CDC123: variants seen among roughly 807,000 people sequenced by gnomAD.
CDC123 encodes the protein translation initiation factor eIF2 assembly protein.
A neutral mutation model predicts 54.4 loss-of-function variants in CDC123; 37 were observed. The ratio of observed to expected loss-of-function variants is 0.68; its 90% CI spans 0.52 to 0.89. The LOEUF (loss-of-function observed/expected upper bound fraction) is 0.89, where lower values mean the gene tolerates loss of function less well. Ranked by LOEUF, CDC123 falls within the 40% of genes least tolerant of loss-of-function variation. The pLI, the probability that CDC123 is intolerant of heterozygous loss-of-function variation, is 0.00. For missense variants in CDC123, 361 were observed against 412.1 expected (o/e 0.88, Z 1.07); for synonymous variants, 144 against 136.8 (o/e 1.05, Z -0.37).
chr10:12,230,219 G>A (rs1369685649), intron 6 of CDC123, among the ~76,000 whole-genome samples: 1 of 151,222 alleles, frequency 6.6e-6, no homozygotes, highest in Non-Finnish European at 1.5e-5. Flanking sequence ...TTGAGATGGA[G>A]TCTCGCTCTG....
chr10:12,249,788 T>C lies in CDC123; in HGVS notation c.984+70T>C, dbSNP rs560701105. 31 of 1,511,854 alleles carry C rather than the reference T, an allele frequency of 2.1e-5. No homozygotes were observed. In the African/African-American group the frequency reaches 3.9e-4, roughly 19 times the overall value. The allele number at this position is 1,511,854 out of a possible 1,614,324, so 93.7% of individuals were successfully genotyped here. A position where few individuals can be genotyped will look rare whatever the true frequency, so the allele number is the denominator to read the frequency against. ...GACCTTCAAATTGGCTTTTATATAA[T>C]ATTTCATTGGAATCCTGTATCACCT... On this transcript the variant is annotated intron_variant, in intron 12 of 12. Coordinates refer to ENST00000281141, the MANE Select transcript of CDC123 (RefSeq NM_006023.3).
intron 2 of CDC123, among the ~76,000 whole-genome samples, chr10:12,200,054 C>T (rs1182519503): frequency 6.6e-6 from 1 of 150,838 alleles, no homozygotes; most frequent in African/African-American, 2.4e-5. Flanking sequence ...ATCTCCTGAC[C>T]TCGTGATCTG....
At chr10:12,247,003 T>G (rs113024795) in intron 11 of CDC123, 6 of 93,834 alleles carry the variant, frequency 6.4e-5, no homozygotes, top group Non-Finnish European at 9.0e-5. Context: ...TCCTCCTCTC[T>G]CACCTCCCAC....
rs1836136332 is a variant in CDC123 at position 12,246,295 on chromosome 10, C to G, written c.846+18C>G. 1 of 1,613,576 alleles carries G rather than the reference C, an allele frequency of 6.2e-7. No homozygotes were observed. The highest frequency in any genetic ancestry group is 8.5e-7 in the Non-Finnish European group (1 of 1,179,716). ...AAGAGCAGGTACAACATTTTTAAGA[C>G]AGATACAATGTAAACCTTTCCAGTC... On this transcript the variant is annotated intron_variant, in intron 11 of 12. Coordinates refer to ENST00000281141, the MANE Select transcript of CDC123 (RefSeq NM_006023.3).
At chr10:12,203,037 A>G (rs1448953243) in intron 2 of CDC123, among the ~76,000 whole-genome samples, 1 of 152,230 alleles carries the variant, frequency 6.6e-6, no homozygotes, top group African/African-American at 2.4e-5. Flanking sequence ...AAACAAAAAT[A>G]AAGGATATTA....
At chr10:12,197,634 C>T (rs1012769216) in intron 1 of CDC123, among the ~76,000 whole-genome samples, 5 of 150,826 alleles carry the variant, frequency 3.3e-5, no homozygotes, top group African/African-American at 1.2e-4. Context: ...GCCTCGGCCT[C>T]CCAAAGTGCT....
At chr10:12,200,383 C>G (rs1362653746) in intron 2 of CDC123, among the ~76,000 whole-genome samples, 1 of 151,816 alleles carries the variant, frequency 6.6e-6, no homozygotes, top group Non-Finnish European at 1.5e-5. Context: ...GCTTCAGCCT[C>G]CCAAAGTGTT....
intron 2 of CDC123, among the ~76,000 whole-genome samples, chr10:12,202,392 C>A (rs1169503310): frequency 6.6e-6 from 1 of 152,192 alleles, no homozygotes; most frequent in Admixed American, 6.5e-5. Context: ...CACACCACAA[C>A]AATCAACACA....
At chr10:12,221,584 T>A (rs1458569616) in intron 6 of CDC123, among the ~76,000 whole-genome samples, 5 of 152,170 alleles carry the variant, frequency 3.3e-5, no homozygotes, top group Admixed American at 2.6e-4. Flanking sequence ...TTCGTTTAGA[T>A]CAAGCTTGTC....
intron 5 of CDC123, 70 bp from the exon 6 acceptor site, chr10:12,217,281 TATTGATTTTG>T: frequency 7.3e-7 from 1 of 1,370,496 alleles, no homozygotes; most frequent in African/African-American, 1.4e-5. Flanking sequence ...TGATATGCAT[TATTGATTTTG>T]TTATAGGCCT....
intron 2 of CDC123, among the ~76,000 whole-genome samples, chr10:12,206,404 C>G (rs927434782): frequency 5.3e-5 from 8 of 152,220 alleles, no homozygotes; most frequent in Non-Finnish European, 8.8e-5. Flanking sequence ...GCCCCTTGGG[C>G]AGGGATTCAC....
At position 12,227,154 on chromosome 10, in the gene CDC123, G is replaced by C. The variant is rs188811824; in HGVS notation, c.441-3794G>C. Among the ~76,000 whole-genome samples the C allele has an allele frequency of 5.4e-3, 826 of 152,214 alleles. 27 individuals carry two copies. The East Asian group carries it at 0.075, about 14-fold the overall frequency. ...GCCTGCAATCCCAGGCACTCGGCAG[G>C]CTGAAGCAGGAGAATCAGGCAGGGA... On this transcript the variant is annotated intron_variant, in intron 6 of 12. Transcript: ENST00000281141.
chr10:12,245,430 AT>A, intron 10 of CDC123: 1 of 152,020 alleles, frequency 6.6e-6, no homozygotes, highest in Non-Finnish European at 1.5e-5. Flanking sequence ...TAATTTTTAT[AT>A]TTTTTTGTAG....
At chr10:12,206,752 A>T (rs769652842) in intron 2 of CDC123, among the ~76,000 whole-genome samples, 22 of 152,090 alleles carry the variant, frequency 1.4e-4, no homozygotes, top group African/African-American at 4.8e-4. Context: ...AGGTCAGGAG[A>T]TCGAGACCAT....
At chr10:12,224,095 C>A (rs1835772827) in intron 6 of CDC123, among the ~76,000 whole-genome samples, 1 of 151,850 alleles carries the variant, frequency 6.6e-6, no homozygotes, top group South Asian at 2.1e-4. Context: ...CTCCCACTTA[C>A]AAGTGAGAAC....
intron 4 of CDC123, among the ~76,000 whole-genome samples, chr10:12,213,764 T>A (rs1371810895): frequency 6.6e-6 from 1 of 152,198 alleles, no homozygotes; most frequent in African/African-American, 2.4e-5. Flanking sequence ...TTAGAACTGG[T>A]TCAAAAGAGA....
At chr10:12,235,231 G>A in intron 8 of CDC123, 108 bp downstream of exon 8, 2 of 894,604 alleles carry the variant, frequency 2.2e-6, no homozygotes, top group Non-Finnish European at 3.6e-6. Context: ...ATGTCAATCT[G>A]TTTTCATCTC....
chr10:12,200,119 C>CTTTTTTTT (rs1564431631), intron 2 of CDC123, among the ~76,000 whole-genome samples: 6 of 24,270 alleles, frequency 2.5e-4, no homozygotes, highest in Admixed American at 6.2e-4. Flanking sequence ...CCGCACTCGG[C>CTTTTTTTT]ATTTTTTTTT....
intron 1 of CDC123, among the ~76,000 whole-genome samples, chr10:12,197,624 G>A (rs572551482): frequency 7.0e-6 from 1 of 142,070 alleles, no homozygotes; most frequent in Non-Finnish European, 1.6e-5. Flanking sequence ...TGATCCGCCC[G>A]CCTCGGCCTC....
Sources: allele counts gnomAD v4.1 joint callset (sites outside exome capture counted in the v4.1 genomes callset), GRCh38; gene constraint gnomAD v4.1.1; transcripts MANE v1.5; gene names NCBI Gene and HGNC (gene_info 2026-07-23, HGNC 2026-07-21).